SLC14A2: variants seen among roughly 807,000 people sequenced by gnomAD.
The protein encoded by SLC14A2 is solute carrier family 14 member 2, also known as urea transporter 2.
A neutral mutation model predicts 104.6 loss-of-function variants in SLC14A2; 91 were observed. The ratio of observed to expected loss-of-function variants is 0.87; its 90% confidence interval spans 0.73 to 1.04. The LOEUF (loss-of-function observed/expected upper bound fraction) is 1.04. Among genes scored for constraint, SLC14A2 ranks in the 50% least tolerant of loss-of-function variants. The probability of loss-of-function intolerance (pLI) is 0.00; values close to 1 mark genes in which losing one functional copy is unlikely to be tolerated. For synonymous variants in SLC14A2, 476 were observed against 466.4 expected (o/e 1.02, Z -0.27); for missense variants, 1,189 against 1,156.0 (o/e 1.03, Z -0.41).
the SLC14A2 span, among the ~76,000 whole-genome samples, chr18:45,184,602 A>G: frequency 6.6e-6 from 1 of 152,254 alleles, no homozygotes; most frequent in East Asian, 1.9e-4. Flanking sequence ...AGAAAAGGTA[A>G]CTACTGACTT....
chr18:45,207,063 C>T, the SLC14A2 span, among the ~76,000 whole-genome samples: 5 of 152,092 alleles, frequency 3.3e-5, no homozygotes, highest in African/African-American at 1.2e-4. Context: ...TACTCTGGTA[C>T]CTAATAGTAA....
intron 1 of SLC14A2, among the ~76,000 whole-genome samples, chr18:45,350,878 G>T (rs2085496770): frequency 6.6e-6 from 1 of 152,076 alleles, no homozygotes; most frequent in Non-Finnish European, 1.5e-5. Context: ...TATAGGATGA[G>T]AGAAGGCAAG....
intron 10 of SLC14A2, among the ~76,000 whole-genome samples, chr18:45,662,303 G>GA (rs1009234319): frequency 4.1e-4 from 61 of 149,308 alleles, no homozygotes; most frequent in Middle Eastern, 3.4e-3. Context: ...CTCCGTCTTA[G>GA]AAAAAAAAAA....
At chr18:45,303,320 GC>G (rs2084986336) in intron 1 of SLC14A2, among the ~76,000 whole-genome samples, 1 of 152,194 alleles carries the variant, frequency 6.6e-6, no homozygotes, top group Admixed American at 6.5e-5. Flanking sequence ...GCTGGGATTG[GC>G]CAAGACTCAG....
In SLC14A2 at chr18:45,669,436, A is replaced by G. The variant is rs144750736; in HGVS notation, c.2167A>G (p.Thr723Ala). 14 of 1,613,972 alleles carry G rather than the reference A, an allele frequency of 8.7e-6. No homozygotes were observed. The highest frequency in any genetic ancestry group is 8.0e-5 in the African/African-American group (6 of 74,972). Residue 723 changes from threonine to alanine, a missense_variant, in exon 16 of 20, where the codon ACG becomes GCG. By Grantham distance (58) the Thr-to-Ala change is moderately conservative (BLOSUM62 0). Coordinates refer to ENST00000255226, the MANE Select transcript of SLC14A2 (RefSeq NM_007163.4). ...TGHYNLFFPT[T>A]LLQPASAMPN... ...CCACTACAACCTTTTCTTCCCCACAACGCTGCTGCAGCCTGCATCCGCCAT... is the reference window on the plus strand; with the variant it reads ...CCACTACAACCTTTTCTTCCCCACAGCGCTGCTGCAGCCTGCATCCGCCAT...
chr18:45,647,693 A>G (rs536406876), intron 10 of SLC14A2: 79 of 152,298 alleles, frequency 5.2e-4, no homozygotes, highest in African/African-American at 1.8e-3. Flanking sequence ...ATCATTTTTA[A>G]AATAGTTTGT....
chr18:45,639,312 G>C (rs1568308951), intron 6 of SLC14A2, among the ~76,000 whole-genome samples: 1 of 152,190 alleles, frequency 6.6e-6, no homozygotes, highest in Non-Finnish European at 1.5e-5. Context: ...CCAACAACAG[G>C]CTGGGTGACT....
At position 45,464,171 on chromosome 18, in the gene SLC14A2, C is replaced by T. The variant is rs190875560; in HGVS notation, c.-124-19062C>T. Among the ~76,000 whole-genome samples, 220 of 152,286 alleles carry T rather than the reference C, an allele frequency of 1.4e-3. 1 individual carries two copies. Among genetic ancestry groups the T allele is most frequent in the African/African-American group, 4.9e-3 (202 of 41,562 alleles). ...AGAAGTAGTGGGGTGAAGAGTAAAA[C>T]GAACATTTCCTCAGGAACCTAAATA... is the stretch of plus-strand genomic sequence containing the variant. On this transcript the variant is annotated intron_variant, in intron 1 of 20. Transcript: ENST00000586448.
Position 45,648,188 on chromosome 18 carries a change from G to A in SLC14A2, c.1351+4028G>A, listed in dbSNP as rs1457479624. ...ATTATAAGTTACCCTCTTTATTCTA[G>A]TTAATGCTTTTTTTTTTTTTTTTTT... is the stretch of plus-strand genomic sequence containing the variant. On this transcript the variant is annotated intron_variant, in intron 10 of 19. Coordinates refer to ENST00000255226, the MANE Select transcript of SLC14A2 (RefSeq NM_007163.4). Among the ~76,000 whole-genome samples the A allele has an allele frequency of 2.5e-5, 3 of 122,148 alleles. No homozygotes were observed. The East Asian group carries it at 8.0e-4, about 33-fold the overall frequency. 80.1% of individuals were successfully genotyped at this position (122,148 alleles called of 152,430 possible). A position where few individuals can be genotyped will look rare whatever the true frequency, so the allele number is the denominator to read the frequency against.
intron 2 of SLC14A2, among the ~76,000 whole-genome samples, chr18:45,567,673 G>C (rs772740751): frequency 6.6e-6 from 1 of 152,154 alleles, no homozygotes; most frequent in South Asian, 2.1e-4. Context: ...GCTGTCCTGC[G>C]TCAAGCAAGC....
rs1239498070 is a variant in SLC14A2 at position 45,259,228 on chromosome 18, G to A, written c.-125+46037G>A. On this transcript the variant is annotated intron_variant, in intron 1 of 20. Transcript: ENST00000586448. ...CCCTATCACTCTGGAATAATTTTTAGGGTTAGGACAGCAATAAAGTTCCTT... is the reference window on the plus strand; with the variant it reads ...CCCTATCACTCTGGAATAATTTTTAAGGTTAGGACAGCAATAAAGTTCCTT... Among the ~76,000 whole-genome samples, 6 of 152,222 alleles carry A rather than the reference G, an allele frequency of 3.9e-5. No individual in the cohort carries two copies. The East Asian group carries it at 1.2e-3, about 29-fold the overall frequency.
intron 1 of SLC14A2, among the ~76,000 whole-genome samples, chr18:45,444,510 T>C (rs2144591388): frequency 6.6e-6 from 1 of 152,188 alleles, no homozygotes; most frequent in East Asian, 1.9e-4. Context: ...AGGGGGAAAA[T>C]AAAGAAGAAA....
chr18:45,335,486 TG>T (rs1352600546), intron 1 of SLC14A2, among the ~76,000 whole-genome samples: 2 of 151,968 alleles, frequency 1.3e-5, no homozygotes, highest in African/African-American at 4.8e-5. Context: ...CAAAGTGAAG[TG>T]TTTTGTATCC....
intron 1 of SLC14A2, among the ~76,000 whole-genome samples, chr18:45,270,758 G>A (rs1472668607): frequency 6.6e-6 from 1 of 152,064 alleles, no homozygotes; most frequent in Non-Finnish European, 1.5e-5. Context: ...TTCAAGTCCA[G>A]AGCCTGCCAA....
At chr18:45,498,794 A>T (rs1037017661) in intron 2 of SLC14A2, among the ~76,000 whole-genome samples, 1 of 152,112 alleles carries the variant, frequency 6.6e-6, no homozygotes, top group East Asian at 1.9e-4. Context: ...CTGGCATTCC[A>T]TCTCTCCACT....
chr18:45,669,878 T>C (rs1402890251), intron 16 of SLC14A2, among the ~76,000 whole-genome samples: 2 of 152,248 alleles, frequency 1.3e-5, no homozygotes, highest in African/African-American at 2.4e-5. Context: ...TTTTCTTTCA[T>C]TCAATCACAC....
chr18:45,195,001 C>T, the SLC14A2 span, among the ~76,000 whole-genome samples: 79 of 152,166 alleles, frequency 5.2e-4, 2 homozygotes, highest in East Asian at 0.013. Context: ...TGGCTTCAGG[C>T]GTGAATGGGC....
chr18:45,222,358 G>A (rs940437425), intron 1 of SLC14A2, among the ~76,000 whole-genome samples: 4 of 152,186 alleles, frequency 2.6e-5, no homozygotes, highest in Admixed American at 2.6e-4. Flanking sequence ...CATTTGGCGT[G>A]AGTCCTGTCC....
At chr18:45,428,409 A>C (rs2086465716) in intron 1 of SLC14A2, among the ~76,000 whole-genome samples, 1 of 152,214 alleles carries the variant, frequency 6.6e-6, no homozygotes, top group Admixed American at 6.5e-5. Context: ...TAACTTTAAA[A>C]ACCTGTTTTG....
Sources: gnomAD v4.1 joint callset for allele counts (sites outside exome capture counted in the v4.1 genomes callset) on GRCh38, gnomAD v4.1.1 for gene constraint, MANE v1.5 for transcripts, NCBI Gene and HGNC (gene_info 2026-07-23, HGNC 2026-07-21) for gene names.